The following ARHGAP19 variants were observed in gnomAD, a reference collection of about 807,000 sequenced individuals.
ARHGAP19 encodes the protein rho GTPase-activating protein 19.
ARHGAP19 carries 48 observed loss-of-function variants against 60.9 expected under a neutral mutation model. The observed-to-expected ratio is 0.79, with a 90% CI of 0.62 to 1.00. The LOEUF (loss-of-function observed/expected upper bound fraction) is 1.00, where lower values mean the gene tolerates loss of function less well. Ranked by LOEUF, ARHGAP19 falls within the 50% of genes least tolerant of loss-of-function variation. ARHGAP19 has a pLI of 0.00. For synonymous variants in ARHGAP19, 209 were observed against 215.5 expected, an observed-to-expected ratio of 0.97 and a Z score of 0.27; for missense variants, 562 against 597.2, an observed-to-expected ratio of 0.94 and a Z score of 0.61.
At chr10:97,264,689 C>A (rs1302615676) in intron 3 of ARHGAP19, 137 bp downstream of exon 3, 3 of 592,994 alleles carry the variant, frequency 5.1e-6, no homozygotes, top group African/African-American at 1.9e-5. Context: ...TATTTAAAAA[C>A]ATGCCACCCA....
intron 4 of ARHGAP19, among the ~76,000 whole-genome samples, chr10:97,262,910 G>A (rs537312488): frequency 6.6e-6 from 1 of 152,186 alleles, no homozygotes; most frequent in Non-Finnish European, 1.5e-5. Context: ...TGGCCCAGGA[G>A]TTTGAGTCTG....
At position 97,289,116 on chromosome 10, in the gene ARHGAP19, T is replaced by C. The variant is rs544042595; in HGVS notation, c.56+3456A>G. Among the ~76,000 whole-genome samples, 454 of 132,902 alleles carry C rather than the reference T, an allele frequency of 3.4e-3. 1 individual carries two copies. Among genetic ancestry groups the C allele is most frequent in the Non-Finnish European group, 4.9e-3 (299 of 61,414 alleles). The allele number at this position is 132,902 out of a possible 152,430, so 87.2% of individuals were successfully genotyped here. On this transcript the variant is annotated intron_variant, in intron 1 of 11. Coordinates refer to ENST00000358531, the MANE Select transcript of ARHGAP19 (RefSeq NM_032900.6). ...ACAGGCGTGAGCCACCGTGCCCGGC[T>C]TTTTTTTTTTTTTTTCGAAACGTAG...
At position 97,244,179 on chromosome 10, in the gene ARHGAP19, A is replaced by T; in HGVS notation, c.994-20T>A. On this transcript the variant is annotated intron_variant, in intron 7 of 11. Coordinates refer to ENST00000358531, the MANE Select transcript of ARHGAP19 (RefSeq NM_032900.6). ...GTCATCCTAAGGAAAATTTAAAAGAAGAGTAAATTAATATATCCTGCCAAC... is the reference window on the plus strand; with the variant it reads ...GTCATCCTAAGGAAAATTTAAAAGATGAGTAAATTAATATATCCTGCCAAC... 1 of 1,565,610 alleles carries T rather than the reference A, an allele frequency of 6.4e-7. No individual in the cohort carries two copies. The highest frequency in any genetic ancestry group is 2.2e-5 in the East Asian group (1 of 44,514).
intron 1 of ARHGAP19, among the ~76,000 whole-genome samples, chr10:97,268,313 G>A (rs577983859): frequency 1.1e-4 from 17 of 152,298 alleles, no homozygotes; most frequent in Non-Finnish European, 2.5e-4. Context: ...TATTCAACAA[G>A]TCTCTAGGAA....
chr10:97,279,658 A>G (rs1007497120), intron 1 of ARHGAP19, among the ~76,000 whole-genome samples: 1 of 151,970 alleles, frequency 6.6e-6, no homozygotes. Flanking sequence ...ACACCTGGCT[A>G]ATTTTTTTTT....
intron 11 of ARHGAP19, 103 bp from the exon 12 acceptor site, chr10:97,226,235 A>G (rs1850892686): frequency 1.7e-6 from 2 of 1,170,904 alleles, no homozygotes; most frequent in Non-Finnish European, 2.5e-6. Context: ...TATTTTCTCC[A>G]AACTGAAGGC....
chr10:97,256,227 C>G (rs1842750782), intron 6 of ARHGAP19, 91 bp downstream of exon 6: 5 of 1,055,414 alleles, frequency 4.7e-6, no homozygotes, highest in Non-Finnish European at 7.3e-6. Context: ...GGACCTTTTT[C>G]TCGTTTAGTT....
intron 7 of ARHGAP19, among the ~76,000 whole-genome samples, chr10:97,245,688 T>C (rs1200176609): frequency 1.3e-5 from 2 of 151,938 alleles, no homozygotes; most frequent in Non-Finnish European, 2.9e-5. Context: ...TCATGTGGTC[T>C]CAAGTCTTTT....
intron 9 of ARHGAP19, among the ~76,000 whole-genome samples, chr10:97,230,950 G>C (rs1203301592): frequency 1.3e-5 from 2 of 150,726 alleles, no homozygotes; most frequent in Non-Finnish European, 2.9e-5. Flanking sequence ...CCAGCTACTC[G>C]GGAGGCCGAG....
chr10:97,232,018 GGT>G (rs955626085), intron 9 of ARHGAP19, among the ~76,000 whole-genome samples: 4 of 148,528 alleles, frequency 2.7e-5, no homozygotes, highest in Non-Finnish European at 5.9e-5. Flanking sequence ...CATCCTAGTG[GGT>G]GTGAAGTGGT....
chr10:97,228,279 T>C (rs375788770), intron 11 of ARHGAP19, among the ~76,000 whole-genome samples: 1 of 152,242 alleles, frequency 6.6e-6, no homozygotes, highest in Non-Finnish European at 1.5e-5. Flanking sequence ...AAAACAATCA[T>C]GTCAAACCAG....
chr10:97,230,052 A>T (rs1713237556), intron 9 of ARHGAP19, among the ~76,000 whole-genome samples, 178 bp from the exon 10 acceptor site: 1 of 151,258 alleles, frequency 6.6e-6, no homozygotes, highest in Non-Finnish European at 1.5e-5. Context: ...TTACCAAAAA[A>T]ACCCAAAATC....
chr10:97,281,058 A>G (rs1279019028), intron 1 of ARHGAP19, among the ~76,000 whole-genome samples: 2 of 152,098 alleles, frequency 1.3e-5, no homozygotes, highest in Non-Finnish European at 2.9e-5. Context: ...TGACTTGTTC[A>G]TATCTACACA....
chr10:97,262,184 A>C (rs1346211411), intron 4 of ARHGAP19, among the ~76,000 whole-genome samples: 1 of 31,352 alleles, frequency 3.2e-5, no homozygotes, highest in East Asian at 6.8e-4. Flanking sequence ...TCTTTTAAAA[A>C]AAAAAAAAAA....
intron 8 of ARHGAP19, among the ~76,000 whole-genome samples, chr10:97,241,246 A>G (rs1174391545): frequency 2.6e-5 from 4 of 152,040 alleles, no homozygotes; most frequent in Non-Finnish European, 5.9e-5. Context: ...AATTGCTTGA[A>G]CCCAGGAGGC....
At chr10:97,245,203 G>A (rs1286142599) in intron 7 of ARHGAP19, among the ~76,000 whole-genome samples, 1 of 151,796 alleles carries the variant, frequency 6.6e-6, no homozygotes, top group Non-Finnish European at 1.5e-5. Flanking sequence ...GACTGGGTTT[G>A]GCCATGTTGC....
intron 1 of ARHGAP19, among the ~76,000 whole-genome samples, chr10:97,269,787 T>G (rs989016723): frequency 1.3e-5 from 2 of 152,168 alleles, no homozygotes; most frequent in Non-Finnish European, 2.9e-5. Flanking sequence ...AGCATTAACA[T>G]AAAAATGTGT....
chr10:97,274,045 CG>C (rs2134906899), intron 1 of ARHGAP19, among the ~76,000 whole-genome samples: 1 of 151,802 alleles, frequency 6.6e-6, no homozygotes, highest in South Asian at 2.1e-4. Context: ...TAAAAATAAA[CG>C]AAACTAGTAT....
intron 5 of ARHGAP19, among the ~76,000 whole-genome samples, chr10:97,256,851 G>A (rs1178657715): frequency 6.6e-6 from 1 of 152,216 alleles, no homozygotes; most frequent in Non-Finnish European, 1.5e-5. Context: ...ACCGGGCGTG[G>A]TGGCTCATGC....
Sources: allele counts gnomAD v4.1 joint callset (sites outside exome capture counted in the v4.1 genomes callset), GRCh38; gene constraint gnomAD v4.1.1; transcripts MANE v1.5; gene names NCBI Gene and HGNC (gene_info 2026-07-23, HGNC 2026-07-21).